The following TJP2 variants were observed in gnomAD, a reference collection of about 807,000 sequenced individuals.
TJP2 encodes Friedreich ataxia region gene X104 (tight junction protein ZO-2).
In TJP2, 91 loss-of-function variants were observed where a neutral mutation model predicts 133.1. The observed-to-expected ratio is 0.68, with a 90% CI of 0.58 to 0.81. The LOEUF (loss-of-function observed/expected upper bound fraction) is 0.81. TJP2 is among the 40% of genes least tolerant of loss of function. TJP2 has a pLI of 0.00. For missense variants in TJP2, 1,541 were observed against 1,565.6 expected (o/e 0.98, Z 0.26); for synonymous variants, 592 against 583.4 (o/e 1.01, Z -0.21).
rs1356975164 is a variant in TJP2, at chr9:69,148,265, GAC to G, written c.-130-3382_-130-3381del. Among the ~76,000 whole-genome samples the G allele has an allele frequency of 7.5e-5, 6 of 79,888 alleles. 1 individual carries two copies. Among genetic ancestry groups the G allele is most frequent in the Non-Finnish European group, 1.2e-4 (5 of 41,846 alleles). 52.4% of individuals were successfully genotyped at this position (79,888 alleles called of 152,430 possible). On this transcript the variant is annotated intron_variant, in intron 1 of 5. Coordinates refer to the TJP2 transcript ENST00000423935. ...TTTTTTAATTTTTTTTTTTTTTTGA[GAC>G]ACAGTCTCAAAAAAAAAAAAGCCAC... is the stretch of plus-strand genomic sequence containing the variant.
In TJP2 at chr9:69,248,135, G is replaced by A. The variant is rs139276234; in HGVS notation, c.2791G>A (p.Ala931Thr). The A allele has an allele frequency of 8.4e-5, 135 of 1,614,140 alleles. No individual in the cohort carries two copies. In the African/African-American group the frequency reaches 1.1e-3, roughly 14 times the overall value. Residue 931 changes from alanine to threonine, a missense_variant, in exon 19 of 23, where the codon GCC becomes ACC. Physicochemically the swap from Ala to Thr is moderately conservative, Grantham distance 58. Coordinates refer to ENST00000377245, the MANE Select transcript of TJP2 (RefSeq NM_004817.4). The part of the protein sequence containing the change: ...DFEDTDGEGG[A>T]YTDNELDEPA... ...TGAAGACACGGACGGTGAAGGAGGC[G>A]CCTACACTGACAATGAGCTGGATGA...
intron 1 of TJP2, among the ~76,000 whole-genome samples, chr9:69,149,885 C>T (rs748356966): frequency 2.6e-5 from 4 of 152,166 alleles, no homozygotes; most frequent in Non-Finnish European, 5.9e-5. Context: ...TGCGGTGGCT[C>T]ATGCCTGTAA....
intron 1 of TJP2, among the ~76,000 whole-genome samples, chr9:69,191,741 A>AT (rs368277121): frequency 0.022 from 3,288 of 150,038 alleles, 53 homozygotes; most frequent in Non-Finnish European, 0.033. Flanking sequence ...CATTTTTAAA[A>AT]TTTTTTTTTT....
chr9:69,238,046 T>C (rs1435711081), intron 15 of TJP2, 73 bp downstream of exon 15: 19 of 1,059,696 alleles, frequency 1.8e-5, no homozygotes, highest in Non-Finnish European at 2.8e-5. Context: ...GTTGGAAGAA[T>C]CATGAACACC....
chr9:69,237,302 G>A (rs1329650193), intron 14 of TJP2, among the ~76,000 whole-genome samples, 166 bp downstream of exon 14: 1 of 152,266 alleles, frequency 6.6e-6, no homozygotes, highest in South Asian at 2.1e-4. Flanking sequence ...TTTATAAAAA[G>A]CTGTTTCAGT....
chr9:69,223,778 A>C (rs1033703230), intron 5 of TJP2, among the ~76,000 whole-genome samples: 9 of 152,204 alleles, frequency 5.9e-5, no homozygotes, highest in Admixed American at 1.3e-4. Flanking sequence ...ATTCTTGACT[A>C]TCAGCTTCCT....
At chr9:69,158,246 T>G (rs568377833) in intron 2 of TJP2, among the ~76,000 whole-genome samples, 1 of 143,378 alleles carries the variant, frequency 7.0e-6, no homozygotes, top group South Asian at 2.2e-4. Context: ...GAGAATCGCT[T>G]GAATCCAGGA....
intron 5 of TJP2, among the ~76,000 whole-genome samples, chr9:69,223,377 G>A (rs755169331): frequency 2.0e-4 from 30 of 152,040 alleles, no homozygotes; most frequent in Non-Finnish European, 4.1e-4. Context: ...GCGCGATCTC[G>A]GCTCACTGCA....
chr9:69,174,080 A>C (rs552112384), upstream of TJP2: 1 of 1,120,052 alleles, frequency 8.9e-7, no homozygotes, highest in African/African-American at 1.6e-5. Flanking sequence ...AGGAGCCTCG[A>C]AGGCGCGGCG....
chr9:69,229,590 G>A (rs1304147870), intron 10 of TJP2, among the ~76,000 whole-genome samples: 1 of 152,210 alleles, frequency 6.6e-6, no homozygotes, highest in African/African-American at 2.4e-5. Context: ...TGTGGTGACT[G>A]CACTGATGTG....
At chr9:69,207,020 A>T (rs1324731314) in intron 1 of TJP2, among the ~76,000 whole-genome samples, 1 of 152,156 alleles carries the variant, frequency 6.6e-6, no homozygotes, top group African/African-American at 2.4e-5. Flanking sequence ...ACACGAAGGA[A>T]ATTTGTGTAC....
chr9:69,252,827 C>T lies in TJP2; in HGVS notation c.3334C>T (p.Gln1112Ter). The change falls in exon 22 of 23, where the codon CAG becomes TAG. Residue 1112 changes from glutamine (Q) to a stop codon, truncating the protein, a stop_gained. Transcript: ENST00000377245. LOFTEE classifies it high-confidence loss of function. ...TTAATTACCACAGATCGAAATTGCC[C>T]AGAAGCATCCTGATATCTATGCAGT... Reference protein sequence around the residue: ...EAQNARIEIAQKHPDIYAVPI... With the variant: ...EAQNARIEIA 6.2e-7 allele frequency: 1 copy of T among 1,614,130 alleles called. No homozygotes were observed. Among genetic ancestry groups the T allele is most frequent in the Non-Finnish European group, 8.5e-7 (1 of 1,180,024 alleles).
chr9:69,180,774 A>T (rs1693717170), intron 1 of TJP2, among the ~76,000 whole-genome samples: 1 of 152,238 alleles, frequency 6.6e-6, no homozygotes, highest in African/African-American at 2.4e-5. Context: ...TGGTGAGCTC[A>T]GTTTTAGCAG....
chr9:69,140,932 T>G (rs1279037974), intron 1 of TJP2, among the ~76,000 whole-genome samples: 1 of 152,198 alleles, frequency 6.6e-6, no homozygotes, highest in Non-Finnish European at 1.5e-5. Flanking sequence ...CTGCCACCTC[T>G]GCCTCCCAAG....
chr9:69,148,919 T>G (rs1037832523), intron 1 of TJP2, among the ~76,000 whole-genome samples: 1 of 152,166 alleles, frequency 6.6e-6, no homozygotes, highest in Non-Finnish European at 1.5e-5. Context: ...TGGAGAAAGA[T>G]AGAATAAAAA....
At chr9:69,224,608 C>T (rs1829185723) in intron 5 of TJP2, among the ~76,000 whole-genome samples, 1 of 152,210 alleles carries the variant, frequency 6.6e-6, no homozygotes, top group Admixed American at 6.5e-5. Flanking sequence ...ACCTGGGAGG[C>T]AGAGGTTGCA....
intron 1 of TJP2, among the ~76,000 whole-genome samples, chr9:69,209,368 A>G (rs762301719): frequency 3.5e-4 from 53 of 152,046 alleles, no homozygotes; most frequent in Non-Finnish European, 6.2e-4. Flanking sequence ...TCCTGGCCCC[A>G]AGTGATCCAC....
chr9:69,236,330 C>T, intron 13 of TJP2, 92 bp downstream of exon 13: 4 of 1,284,816 alleles, frequency 3.1e-6, no homozygotes, highest in Non-Finnish European at 4.4e-6. Context: ...AAGGAAACCC[C>T]ACATGATGAG....
intron 2 of TJP2, among the ~76,000 whole-genome samples, chr9:69,154,826 C>T (rs1823661625): frequency 6.6e-6 from 1 of 151,852 alleles, no homozygotes; most frequent in Admixed American, 6.6e-5. Context: ...TGCTAATAGT[C>T]TGGTGAAGAG....
Sources: gnomAD v4.1 joint callset for allele counts (sites outside exome capture counted in the v4.1 genomes callset) on GRCh38, gnomAD v4.1.1 for gene constraint, MANE v1.5 for transcripts, NCBI Gene and HGNC (gene_info 2026-07-23, HGNC 2026-07-21) for gene names.